The following DNM1 variants were observed in gnomAD, a reference collection of about 807,000 sequenced individuals.
DNM1 encodes dynamin 1.
Under a neutral mutation model 104.6 loss-of-function variants are expected in DNM1, and 29 were observed. The observed-to-expected ratio is 0.28, with a 90% CI of 0.21 to 0.38. The LOEUF (loss-of-function observed/expected upper bound fraction) is 0.38. Among genes scored for constraint, DNM1 ranks in the 10% least tolerant of loss-of-function variants. DNM1 has a pLI of 1.00. For synonymous variants in DNM1, 445 were observed against 475.8 expected (o/e 0.94, Z 0.84); for missense variants, 640 against 1,189.4 (o/e 0.54, Z 6.79).
At position 128,254,469 on chromosome 9, in the gene DNM1, C is replaced by T. The variant is rs1829725669; in HGVS notation, c.2535-185C>T. 2 of 1,494,060 alleles carry T rather than the reference C, an allele frequency of 1.3e-6. No individual in the cohort carries two copies. The highest frequency in any genetic ancestry group is 5.0e-5 in the East Asian group (2 of 39,888). 92.6% of individuals were successfully genotyped at this position (1,494,060 alleles called of 1,614,324 possible). A position where few individuals can be genotyped will look rare whatever the true frequency, so the allele number is the denominator to read the frequency against. On this transcript the variant is annotated intron_variant, in intron 21 of 21. Coordinates refer to ENST00000372923, the MANE Select transcript of DNM1 (RefSeq NM_004408.4). This position sits in a 1 kb window ranked among gnomAD's most constrained non-coding sequence, Gnocchi z 6.1. ...AAGCTACGGCTCCTCCCTCCATCTT[C>T]CTCCCCTTTCCCTTCCAGCCCCTTT...
rs1477708418 is a variant in DNM1, at chr9:128,218,791, C to G, written c.385+60C>G. On this transcript the variant is annotated intron_variant, in intron 3 of 21. Transcript: ENST00000372923. The surrounding 1 kb of genome is among the most constrained non-coding windows in gnomAD (Gnocchi z 4.8). Reference sequence around the variant, plus strand: ...TCATTTTCTTGGCCACGCACCTCTGCGTGCCTCGCTCCTCCTGCAGACTCC... The same window carrying G: ...TCATTTTCTTGGCCACGCACCTCTGGGTGCCTCGCTCCTCCTGCAGACTCC... 6.6e-7 allele frequency: 1 copy of G among 1,515,552 alleles called. No homozygotes were observed. The highest frequency in any genetic ancestry group is 8.9e-7 in the Non-Finnish European group (1 of 1,128,714). 93.9% of individuals were successfully genotyped at this position (1,515,552 alleles called of 1,614,324 possible).
In DNM1 at chr9:128,246,174, G is replaced by C. The variant is rs532289708; in HGVS notation, c.1672-220G>C. On this transcript the variant is annotated intron_variant, in intron 15 of 21. Coordinates refer to ENST00000372923, the MANE Select transcript of DNM1 (RefSeq NM_004408.4). ...CTCCCCACCCCTCACCAGCCCCCTG[G>C]CCCCCGGCATATATGCAGAGCTGGT... Among the ~76,000 whole-genome samples, 5 of 152,268 alleles carry C rather than the reference G, an allele frequency of 3.3e-5. No individual in the cohort carries two copies. In the East Asian group the frequency reaches 9.7e-4, roughly 29 times the overall value.
rs1241101400 is a variant in DNM1, at chr9:128,220,884, G to C, written c.849+543G>C. 4.4e-4 allele frequency among the ~76,000 whole-genome samples: 34 copies of C among 77,082 alleles called. No homozygotes were observed. Among genetic ancestry groups the C allele is most frequent in the Non-Finnish European group, 9.1e-4 (31 of 33,952 alleles). The allele number at this position is 77,082 out of a possible 152,430, so 50.6% of individuals were successfully genotyped here. A position where few individuals can be genotyped will look rare whatever the true frequency, so the allele number is the denominator to read the frequency against. On this transcript the variant is annotated intron_variant, in intron 6 of 21. Coordinates refer to ENST00000372923, the MANE Select transcript of DNM1 (RefSeq NM_004408.4). This position sits in a 1 kb window ranked among gnomAD's most constrained non-coding sequence, Gnocchi z 5.2. The stretch of plus-strand genomic sequence containing the variant: ...GCCTCTATTTCTTTTTTCTTTATTT[G>C]TTTTCTTTCTTTCTTTCTTTCTTTC...
In DNM1 at chr9:128,245,291, T is replaced by C. The variant is rs1006059034; in HGVS notation, c.1672-1103T>C. ...TGGGGGCAGAGAGGGGTGGGCGGGATGACGCCAGGACGGGGGAGCAAGGTC... is the reference window on the plus strand; with the variant it reads ...TGGGGGCAGAGAGGGGTGGGCGGGACGACGCCAGGACGGGGGAGCAAGGTC... On this transcript the variant is annotated intron_variant, in intron 15 of 21. Coordinates refer to ENST00000372923, the MANE Select transcript of DNM1 (RefSeq NM_004408.4). The surrounding 1 kb of genome is among the most constrained non-coding windows in gnomAD (Gnocchi z 5.2). Among the ~76,000 whole-genome samples the C allele has an allele frequency of 1.3e-5, 2 of 151,948 alleles. No individual in the cohort carries two copies. Among genetic ancestry groups the C allele is most frequent in the African/African-American group, 4.8e-5 (2 of 41,370 alleles).
rs143301170 is a variant in DNM1 at position 128,230,413 on chromosome 9, T to TTTTATTTATTTA, written c.1336-3600_1336-3589dup. On this transcript the variant is annotated intron_variant, in intron 10 of 21. Coordinates refer to ENST00000372923, the MANE Select transcript of DNM1 (RefSeq NM_004408.4). ...AATCTTTTTATTTTCTCTTCACAAA[T>TTTTATTTATTTA]TTTATTTATTTATTTATTTCTTTAT... Among the ~76,000 whole-genome samples the TTTTATTTATTTA allele has an allele frequency of 7.8e-3, 1,160 of 148,144 alleles. 10 individuals are homozygous for TTTTATTTATTTA. Among genetic ancestry groups the TTTTATTTATTTA allele is most frequent in the African/African-American group, 0.027 (1,076 of 39,982 alleles).
chr9:128,241,600 A>G (rs1836367626), intron 14 of DNM1, among the ~76,000 whole-genome samples: 1 of 152,194 alleles, frequency 6.6e-6, no homozygotes, highest in South Asian at 2.1e-4. Context: ...ATGATTTAGC[A>G]GGGGAGGCTG....
At chr9:128,246,362 C>A in intron 15 of DNM1, 32 bp from the exon 16 acceptor site, 3 of 1,496,880 alleles carry the variant, frequency 2.0e-6, no homozygotes, top group Non-Finnish European at 2.8e-6. Context: ...ACAGTGCCAA[C>A]CTCACCCCAT....
intron 10 of DNM1, chr9:128,226,260 GGCCTCACGGCTACCCGCAGGGACCCA>G (rs1835336332): frequency 1.9e-6 from 3 of 1,559,852 alleles, no homozygotes; most frequent in Middle Eastern, 3.4e-4. Context: ...CTGCTGAGCC[GGCCTCACGGCTACCCGCAGGGACCCA>G]GCCCTAGTGT....
chr9:128,219,006 C>T (rs1834782522), intron 3 of DNM1, 43 bp from the exon 4 acceptor site: 2 of 1,605,638 alleles, frequency 1.2e-6, no homozygotes, highest in Non-Finnish European at 1.7e-6. Flanking sequence ...CGCCCGCGGC[C>T]ACGCCCCTCG....
In DNM1 at chr9:128,203,524, C is replaced by T. The variant is rs2131061036; in HGVS notation, c.54C>T (p.Asp18=). The T allele has an allele frequency of 9.1e-6, 14 of 1,542,724 alleles. No individual in the cohort carries two copies. Among genetic ancestry groups the T allele is most frequent in the Non-Finnish European group, 1.2e-5 (14 of 1,147,880 alleles). The change falls in exon 1 of 22, where the codon GAC becomes GAT. Residue 18 remains aspartate (D), a synonymous_variant. Transcript: ENST00000372923. The surrounding 1 kb of genome is among the most constrained non-coding windows in gnomAD (Gnocchi z 5.3). The stretch of plus-strand genomic sequence containing the variant: ...TCCCGCTGGTCAACCGGCTGCAAGA[C>T]GCCTTCTCTGCCATCGGCCAGAACG... ...DLIPLVNRLQ[D]AFSAIGQNAD... is the part of the protein sequence containing the mutation.
chr9:128,213,279 A>G (rs1834415936), intron 1 of DNM1, among the ~76,000 whole-genome samples: 1 of 152,014 alleles, frequency 6.6e-6, no homozygotes, highest in Non-Finnish European at 1.5e-5. Flanking sequence ...ATGGGGTTTC[A>G]CCATGTTGGC....
intron 10 of DNM1, among the ~76,000 whole-genome samples, chr9:128,231,447 C>A (rs1044689991): frequency 3.3e-5 from 5 of 152,050 alleles, no homozygotes; most frequent in Non-Finnish European, 1.5e-5. Context: ...GTGATCTGCC[C>A]ACCTCGGCCT....
At position 128,250,797 on chromosome 9, in the gene DNM1, C is replaced by A; in HGVS notation, c.2391C>A (p.Gly797=). 7.4e-7 allele frequency: 1 copy of A among 1,357,512 alleles called. No individual in the cohort carries two copies. The highest frequency in any genetic ancestry group is 9.4e-7 in the Non-Finnish European group (1 of 1,065,508). 84.1% of individuals were successfully genotyped at this position (1,357,512 alleles called of 1,614,324 possible). ...CCCCAGCCCGGCCCGGGTCGCGGGG[C>A]CCTGCTCCTGGGCCTCCGCCTGCTG... ...AVPPARPGSR[G]PAPGPPPAGS... is the part of the protein sequence containing the mutation. The change falls in exon 21 of 22, where the codon GGC becomes GGA. Residue 797 remains glycine, a synonymous_variant. Transcript: ENST00000372923.
rs1184301345 is a variant in DNM1 at position 128,220,405 on chromosome 9, G to A, written c.849+64G>A. 8.2e-6 allele frequency: 13 copies of A among 1,583,346 alleles called. No individual in the cohort carries two copies. Among genetic ancestry groups the A allele is most frequent in the Non-Finnish European group, 1.1e-5 (13 of 1,164,058 alleles). On this transcript the variant is annotated intron_variant, in intron 6 of 21. Transcript: ENST00000372923. The surrounding 1 kb of genome is among the most constrained non-coding windows in gnomAD (Gnocchi z 5.2). Reference sequence around the variant, plus strand: ...CATGAAAACAGGATAAATTAAGTGTGTTCTGAGAGTGAACAGCAGAGGTTA... The same window carrying A: ...CATGAAAACAGGATAAATTAAGTGTATTCTGAGAGTGAACAGCAGAGGTTA...
In DNM1 at chr9:128,220,311, C is replaced by T; in HGVS notation, c.819C>T (p.Gly273=). The change falls in exon 6 of 22, where the codon GGC becomes GGT. Residue 273 remains glycine, a synonymous_variant. Transcript: ENST00000372923. This position sits in a 1 kb window ranked among gnomAD's most constrained non-coding sequence, Gnocchi z 5.2. The stretch of plus-strand genomic sequence containing the variant: ...ATCGCCACTTGGCTGACCGTATGGG[C>T]ACGCCCTACCTGCAGAAGGTCCTCA... ...PSYRHLADRM[G]TPYLQKVLNQ... 1 of 1,614,176 alleles carries T rather than the reference C, an allele frequency of 6.2e-7. No individual in the cohort carries two copies. The highest frequency in any genetic ancestry group is 1.7e-5 in the Admixed American group (1 of 60,026).
In DNM1 at chr9:128,248,467, C is replaced by A; in HGVS notation, c.1906-116C>A. On this transcript the variant is annotated intron_variant, in intron 18 of 21. Transcript: ENST00000372923. This position sits in a 1 kb window ranked among gnomAD's most constrained non-coding sequence, Gnocchi z 5.6. ...GAGCCAGGTATGTATTCAGGCCAGTCGCTTCTCTCTGTGCCTCAATATTCT... is the reference window on the plus strand; with the variant it reads ...GAGCCAGGTATGTATTCAGGCCAGTAGCTTCTCTCTGTGCCTCAATATTCT... The A allele has an allele frequency of 8.2e-7, 1 of 1,225,486 alleles. No homozygotes were observed. The highest frequency in any genetic ancestry group is 1.1e-6 in the Non-Finnish European group (1 of 879,504). 75.9% of individuals were successfully genotyped at this position (1,225,486 alleles called of 1,614,324 possible).
chr9:128,231,198 T>C (rs1835667709), intron 10 of DNM1, among the ~76,000 whole-genome samples: 1 of 140,052 alleles, frequency 7.1e-6, no homozygotes, highest in Non-Finnish European at 1.5e-5. Flanking sequence ...TTTTGCCTTT[T>C]TTTTTTTTTT....
At chr9:128,231,856 G>A (rs896021325) in intron 10 of DNM1, 28 of 349,876 alleles carry the variant, frequency 8.0e-5, no homozygotes, top group Admixed American at 4.2e-4. Context: ...GAGAGTCAGC[G>A]GACAGCGGCT....
At chr9:128,208,582 C>T (rs1834107154) in intron 1 of DNM1, among the ~76,000 whole-genome samples, 6 of 152,164 alleles carry the variant, frequency 3.9e-5, no homozygotes, top group Admixed American at 3.3e-4. Context: ...ACATCCTAGG[C>T]AGAGTATCGA....
Sources: allele counts gnomAD v4.1 joint callset (sites outside exome capture counted in the v4.1 genomes callset), GRCh38; gene constraint gnomAD v4.1.1; non-coding constraint Gnocchi (gnomAD v3.1); transcripts MANE v1.5; gene names NCBI Gene and HGNC (gene_info 2026-07-23, HGNC 2026-07-21).